EPC2: variants seen among roughly 807,000 people sequenced by gnomAD.
EPC2 encodes enhancer of polycomb 2, also known as enhancer of polycomb homolog 2.
Under a neutral mutation model 92.1 loss-of-function variants are expected in EPC2, and 14 were observed. The ratio of observed to expected loss-of-function variants is 0.15; its 90% CI spans 0.10 to 0.24. The LOEUF is 0.24. EPC2 is among the 10% of genes least tolerant of loss of function. EPC2 has a pLI of 1.00. For synonymous variants in EPC2, 340 were observed against 334.7 expected (o/e 1.02, Z -0.17); for missense variants, 755 against 971.5 (o/e 0.78, Z 2.96).
intron 2 of EPC2, among the ~76,000 whole-genome samples, chr2:148,730,541 A>G (rs571493490): frequency 6.6e-6 from 1 of 152,312 alleles, no homozygotes; most frequent in Admixed American, 6.5e-5. Flanking sequence ...CCCACCCCAA[A>G]TCTACTGGAT....
intron 1 of EPC2, among the ~76,000 whole-genome samples, chr2:148,683,757 C>G (rs1007441096): frequency 6.6e-6 from 1 of 152,116 alleles, no homozygotes; most frequent in Admixed American, 6.5e-5. Flanking sequence ...ATATATACAC[C>G]ACATTCACTC....
chr2:148,775,766 A>ATTTTT (rs1553451044), intron 10 of EPC2, among the ~76,000 whole-genome samples: 5 of 94,072 alleles, frequency 5.3e-5, no homozygotes, highest in Non-Finnish European at 1.1e-4. Flanking sequence ...AATATTACCA[A>ATTTTT]TTTCTTTTCT....
chr2:148,769,108 T>C (rs1473405667), intron 7 of EPC2, 43 bp from the exon 8 acceptor site: 4 of 1,304,154 alleles, frequency 3.1e-6, no homozygotes, highest in Non-Finnish European at 3.3e-6. Context: ...CATTGATCTA[T>C]TGACTTTTGA....
At position 148,644,980 on chromosome 2, in the gene EPC2, C is replaced by G; in HGVS notation, c.-38C>G. 1 of 1,538,796 alleles carries G rather than the reference C, an allele frequency of 6.5e-7. No homozygotes were observed. The highest frequency in any genetic ancestry group is 8.8e-7 in the Non-Finnish European group (1 of 1,141,736). On this transcript the variant is annotated 5_prime_UTR_variant, in exon 1 of 14. Coordinates refer to ENST00000258484, the MANE Select transcript of EPC2 (RefSeq NM_015630.4). ...CTCCCCCCCTCCCCGCCCGCCCCGC[C>G]GCCGCCGCCCGGGCTGTTCCTGTAA...
At chr2:148,703,792 A>G (rs148436844) in intron 2 of EPC2, among the ~76,000 whole-genome samples, 7 of 152,266 alleles carry the variant, frequency 4.6e-5, no homozygotes, top group African/African-American at 1.7e-4. Context: ...TGGACCCCCA[A>G]AGTGTTGGGA....
intron 2 of EPC2, among the ~76,000 whole-genome samples, chr2:148,733,780 G>A (rs1407646934): frequency 2.6e-5 from 4 of 151,994 alleles, no homozygotes; most frequent in East Asian, 1.9e-4. Flanking sequence ...GTGAGCCACC[G>A]TGCCTGACCC....
At chr2:148,675,171 G>A (rs1321956488) in intron 1 of EPC2, among the ~76,000 whole-genome samples, 1 of 151,620 alleles carries the variant, frequency 6.6e-6, no homozygotes, top group African/African-American at 2.4e-5. Flanking sequence ...ATTTTCATTG[G>A]GCTTCTAATA....
intron 2 of EPC2, among the ~76,000 whole-genome samples, chr2:148,712,236 T>TGG (rs1682158196): frequency 2.0e-5 from 3 of 151,776 alleles, no homozygotes; most frequent in African/African-American, 7.3e-5. Context: ...ACTGTTTGTG[T>TGG]GTGTGGGGGT....
chr2:148,663,834 C>T (rs1681003141), intron 1 of EPC2, among the ~76,000 whole-genome samples: 1 of 152,024 alleles, frequency 6.6e-6, no homozygotes, highest in African/African-American at 2.4e-5. Flanking sequence ...CAACCTAGAT[C>T]CCTTGCATGT....
chr2:148,675,165 T>A (rs1681236319), intron 1 of EPC2, among the ~76,000 whole-genome samples: 1 of 152,336 alleles, frequency 6.6e-6, no homozygotes, highest in Admixed American at 6.5e-5. Flanking sequence ...GACATAATTT[T>A]CATTGGGCTT....
At chr2:148,701,504 T>C (rs1481941418) in intron 2 of EPC2, among the ~76,000 whole-genome samples, 1 of 152,340 alleles carries the variant, frequency 6.6e-6, no homozygotes, top group Admixed American at 6.5e-5. Flanking sequence ...TCTACATCTA[T>C]TGATATGCTC....
chr2:148,775,673 AAATTT>A (rs1311174899), intron 10 of EPC2, among the ~76,000 whole-genome samples: 2 of 147,660 alleles, frequency 1.4e-5, no homozygotes, highest in African/African-American at 4.9e-5. Flanking sequence ...AAATAAAATT[AAATTT>A]AATTTAATTA....
At chr2:148,757,987 T>C (rs1475065346) in intron 4 of EPC2, among the ~76,000 whole-genome samples, 1 of 152,174 alleles carries the variant, frequency 6.6e-6, no homozygotes, top group Non-Finnish European at 1.5e-5. Flanking sequence ...ACACAGTTTA[T>C]TATGCCAGAA....
intron 1 of EPC2, among the ~76,000 whole-genome samples, chr2:148,655,312 T>C (rs1680768640): frequency 2.6e-5 from 4 of 152,184 alleles, no homozygotes; most frequent in Non-Finnish European, 5.9e-5. Context: ...CTTTTTTTGG[T>C]GACATGGACT....
intron 4 of EPC2, among the ~76,000 whole-genome samples, chr2:148,757,855 ATATAAAATAAAATACTG>A (rs1683221657): frequency 6.6e-6 from 1 of 151,910 alleles, no homozygotes; most frequent in African/African-American, 2.4e-5. Flanking sequence ...AAAATAAAAT[ATATAAAATAAAATACTG>A]TATAAAATAA....
intron 2 of EPC2, among the ~76,000 whole-genome samples, chr2:148,713,010 T>A (rs1428248037): frequency 1.3e-5 from 2 of 152,194 alleles, no homozygotes; most frequent in Non-Finnish European, 2.9e-5. Context: ...CTGGGCAACA[T>A]AGACCCTGTC....
At chr2:148,720,543 T>G (rs1479554053) in intron 2 of EPC2, among the ~76,000 whole-genome samples, 1 of 152,174 alleles carries the variant, frequency 6.6e-6, no homozygotes, top group East Asian at 1.9e-4. Context: ...TATGTAAAGC[T>G]CTTGGGTCTC....
chr2:148,744,426 A>G (rs1311640601), intron 3 of EPC2, among the ~76,000 whole-genome samples: 1 of 152,130 alleles, frequency 6.6e-6, no homozygotes, highest in East Asian at 1.9e-4. Context: ...TCTGAGGTAG[A>G]CTATAACACA....
intron 2 of EPC2, among the ~76,000 whole-genome samples, chr2:148,737,515 G>A (rs2105402223): frequency 6.6e-6 from 1 of 152,198 alleles, no homozygotes; most frequent in African/African-American, 2.4e-5. Flanking sequence ...TCCATTTGTA[G>A]ACTTCCACTA....
Sources: gnomAD v4.1 joint callset for allele counts (sites outside exome capture counted in the v4.1 genomes callset) on GRCh38, gnomAD v4.1.1 for gene constraint, MANE v1.5 for transcripts, NCBI Gene and HGNC (gene_info 2026-07-23, HGNC 2026-07-21) for gene names.